TGFBI: variants seen among roughly 807,000 people sequenced by gnomAD.
TGFBI encodes transforming growth factor-beta-induced protein ig-h3.
TGFBI carries 50 observed loss-of-function variants against 73.7 expected under a neutral mutation model. That is an observed-to-expected ratio of 0.68 (90% CI 0.54 to 0.86). TGFBI has a LOEUF of 0.86. TGFBI is among the 40% of genes least tolerant of loss of function. The pLI, the probability that TGFBI is intolerant of heterozygous loss-of-function variation, is 0.00. For synonymous variants in TGFBI, 362 were observed against 360.5 expected, an observed-to-expected ratio of 1.00 and a Z score of -0.05; for missense variants, 839 against 877.0, an observed-to-expected ratio of 0.96 and a Z score of 0.55.
intron 2 of TGFBI, among the ~76,000 whole-genome samples, chr5:136,034,589 A>G (rs916284279): frequency 2.6e-5 from 4 of 151,900 alleles, no homozygotes; most frequent in Non-Finnish European, 5.9e-5. Context: ...AGCAGAAGTA[A>G]GAGTGCCAAC....
At chr5:136,047,962 A>C (rs905047570) in intron 6 of TGFBI, 2 of 152,712 alleles carry the variant, frequency 1.3e-5, no homozygotes, top group African/African-American at 2.4e-5. Flanking sequence ...CCCAGCAGGC[A>C]TTTGTCTTAC....
rs769461769 is a variant in TGFBI, at chr5:136,029,110, G to A, written c.55G>A (p.Ala19Thr). ...ALALALALGP[A>T]ATLAGPAKSP... is the part of the protein sequence containing the mutation. ...CGCCCTGGCTCTGGCCCTGGGCCCCGCCGCGACCCTGGCGGGTCCCGCCAA... is the reference window on the plus strand; with the variant it reads ...CGCCCTGGCTCTGGCCCTGGGCCCCACCGCGACCCTGGCGGGTCCCGCCAA... Residue 19 changes from alanine to threonine, a missense_variant, in exon 1 of 17, where the codon GCC becomes ACC. Ala to Thr is a moderately conservative substitution (Grantham distance 58, BLOSUM62 0). Coordinates refer to ENST00000442011, the MANE Select transcript of TGFBI (RefSeq NM_000358.3). 9.2e-6 allele frequency: 14 copies of A among 1,525,608 alleles called. No homozygotes were observed. The South Asian group carries it at 1.7e-4, about 18-fold the overall frequency. 94.5% of individuals were successfully genotyped at this position (1,525,608 alleles called of 1,614,324 possible). A position where few individuals can be genotyped will look rare whatever the true frequency, so the allele number is the denominator to read the frequency against.
chr5:136,050,708 G>A (rs1751518614), intron 7 of TGFBI, among the ~76,000 whole-genome samples: 1 of 152,198 alleles, frequency 6.6e-6, no homozygotes, highest in African/African-American at 2.4e-5. Context: ...GTGTCAATGT[G>A]CTATATAAAA....
chr5:136,060,963 G>T, intron 14 of TGFBI, 27 bp downstream of exon 14: 1 of 1,497,910 alleles, frequency 6.7e-7, no homozygotes, highest in Non-Finnish European at 9.0e-7. Context: ...CACTGACTCT[G>T]CAGCCAGTCC....
At chr5:136,042,980 T>A (rs1016218489) in intron 2 of TGFBI, among the ~76,000 whole-genome samples, 10 of 152,206 alleles carry the variant, frequency 6.6e-5, no homozygotes, top group Admixed American at 4.6e-4. Context: ...GGTGATGTCA[T>A]TAAACGCCCT....
intron 6 of TGFBI, chr5:136,048,515 A>G (rs930326240): frequency 2.0e-5 from 3 of 152,270 alleles, no homozygotes; most frequent in African/African-American, 7.2e-5. Context: ...CTAATACTCT[A>G]TCTGGAGAGA....
intron 1 of TGFBI, among the ~76,000 whole-genome samples, chr5:136,032,997 C>A (rs1164173656): frequency 1.3e-5 from 2 of 152,194 alleles, no homozygotes; most frequent in African/African-American, 2.4e-5. Flanking sequence ...GTATTTTCAA[C>A]AAGTTCATTT....
At chr5:136,043,086 A>C (rs1561608585) in intron 2 of TGFBI, among the ~76,000 whole-genome samples, 2 of 152,226 alleles carry the variant, frequency 1.3e-5, no homozygotes, top group African/African-American at 4.8e-5. Flanking sequence ...TATAGAAGAA[A>C]GGAAAAGGAA....
At position 136,063,295 on chromosome 5, in the gene TGFBI, CTGTT is replaced by C. The variant is rs368290568; in HGVS notation, c.*72_*75del. On this transcript the variant is annotated 3_prime_UTR_variant, in exon 17 of 17. Coordinates refer to ENST00000442011, the MANE Select transcript of TGFBI (RefSeq NM_000358.3). ...AATTTCTCTCAGATTTCCACAGAGA[CTGTT>C]TGAATGTTTTCAAAACCAAGTATCA... 1.5e-5 allele frequency: 21 copies of C among 1,435,186 alleles called. No homozygotes were observed. The highest frequency in any genetic ancestry group is 1.4e-4 in the African/African-American group (10 of 71,412). The allele number at this position is 1,435,186 out of a possible 1,614,324, so 88.9% of individuals were successfully genotyped here. A position where few individuals can be genotyped will look rare whatever the true frequency, so the allele number is the denominator to read the frequency against.
At position 136,061,532 on chromosome 5, in the gene TGFBI, G is replaced by A; in HGVS notation, c.1939G>A (p.Ala647Thr). ...ACCTCAGGAAAGAGGGGATGAACTT[G>A]CAGACTCTGCGCTTGAGATCTTCAA... ...NRPQERGDEL[A>T]DSALEIFKQA... Residue 647 changes from alanine to threonine, a missense_variant, in exon 15 of 17, where the codon GCA becomes ACA. By Grantham distance (58) the Ala-to-Thr change is moderately conservative. Coordinates refer to ENST00000442011, the MANE Select transcript of TGFBI (RefSeq NM_000358.3). 6.2e-7 allele frequency: 1 copy of A among 1,611,524 alleles called. No individual in the cohort carries two copies.
intron 13 of TGFBI, among the ~76,000 whole-genome samples, chr5:136,059,543 A>G (rs1751711427): frequency 6.6e-6 from 1 of 152,112 alleles, no homozygotes; most frequent in South Asian, 2.1e-4. Flanking sequence ...CTGTACTCAC[A>G]CCATCCCACC....
At chr5:136,030,170 A>G (rs548786253) in intron 1 of TGFBI, among the ~76,000 whole-genome samples, 90 of 152,340 alleles carry the variant, frequency 5.9e-4, no homozygotes, top group African/African-American at 2.0e-3. Flanking sequence ...AGAATCTTGT[A>G]GTGACTCCTC....
chr5:136,054,881 T>A lies in TGFBI; in HGVS notation c.1410+20T>A. On this transcript the variant is annotated intron_variant, in intron 10 of 16. Transcript: ENST00000442011. ...CGTAATGTAAGTTCTGGGTCCTAAATCATGCTCCTGGGAAGCTCCTTACTG... is the reference window on the plus strand; with the variant it reads ...CGTAATGTAAGTTCTGGGTCCTAAAACATGCTCCTGGGAAGCTCCTTACTG... 1 of 1,611,456 alleles carries A rather than the reference T, an allele frequency of 6.2e-7. No homozygotes were observed. The highest frequency in any genetic ancestry group is 8.5e-7 in the Non-Finnish European group (1 of 1,178,102).
rs1485263146 is a variant in TGFBI, at chr5:136,056,663, A to C, written c.1548-2A>C. ...TGACATTTTCTGTGTGTGTATCTAC[A>C]GCATGCTGGTAGCTGCCATCCAGTC... On this transcript the variant is annotated splice_acceptor_variant, in intron 11 of 16. Coordinates refer to ENST00000442011, the MANE Select transcript of TGFBI (RefSeq NM_000358.3). LOFTEE classifies it high-confidence loss of function. 6.2e-7 allele frequency: 1 copy of C among 1,613,928 alleles called. No homozygotes were observed. Among genetic ancestry groups the C allele is most frequent in the Non-Finnish European group, 8.5e-7 (1 of 1,179,866 alleles).
At chr5:136,051,394 C>T (rs1229033096) in intron 7 of TGFBI, among the ~76,000 whole-genome samples, 1 of 152,064 alleles carries the variant, frequency 6.6e-6, no homozygotes. Flanking sequence ...CATGCCACTG[C>T]ACTCCAGCCT....
chr5:136,029,235 G>A (rs1266137633), intron 1 of TGFBI, 46 bp downstream of exon 1: 5 of 1,423,762 alleles, frequency 3.5e-6, no homozygotes, highest in Non-Finnish European at 4.6e-6. Context: ...TCAGGTAGTC[G>A]GGGCTCGGAG....
At chr5:136,032,334 C>T (rs1313917580) in intron 1 of TGFBI, among the ~76,000 whole-genome samples, 1 of 152,144 alleles carries the variant, frequency 6.6e-6, no homozygotes, top group East Asian at 1.9e-4. Context: ...GAACAAAAAA[C>T]TGGCCAAGAG....
rs1027100169 is a variant in TGFBI at position 136,047,354 on chromosome 5, C to T, written c.705C>T (p.Val235=). ...TNGVVHLIDK[V]ISTITNNIQQ... is the part of the protein sequence containing the mutation. ...GGGTGGTGCACCTCATCGATAAGGT[C>T]ATCTCCACCATCACCAACAACATCC... is the stretch of plus-strand genomic sequence containing the variant. Residue 235 remains valine, a synonymous_variant, in exon 6 of 17, where the codon GTC becomes GTT. Transcript: ENST00000442011. 6.2e-7 allele frequency: 1 copy of T among 1,613,740 alleles called. No individual in the cohort carries two copies. Among genetic ancestry groups the T allele is most frequent in the Non-Finnish European group, 8.5e-7 (1 of 1,179,900 alleles).
rs573760667 is a variant in TGFBI, at chr5:136,043,388, CT to C, written c.234-663del. Reference sequence around the variant, plus strand: ...AGAAAACAAAAGTTCTTATTGATTACTTTTTTTATTTAAAAAATAAAAAGTA... The same window carrying C: ...AGAAAACAAAAGTTCTTATTGATTACTTTTTTATTTAAAAAATAAAAAGTA... On this transcript the variant is annotated intron_variant, in intron 2 of 16. Coordinates refer to ENST00000442011, the MANE Select transcript of TGFBI (RefSeq NM_000358.3). Among the ~76,000 whole-genome samples, 11 of 152,238 alleles carry C rather than the reference CT, an allele frequency of 7.2e-5. No individual in the cohort carries two copies. The South Asian group carries it at 2.1e-3, about 29-fold the overall frequency.
Sources: gnomAD v4.1 joint callset for allele counts (sites outside exome capture counted in the v4.1 genomes callset) on GRCh38, gnomAD v4.1.1 for gene constraint, MANE v1.5 for transcripts, NCBI Gene and HGNC (gene_info 2026-07-23, HGNC 2026-07-21) for gene names.